Variants in GPD2 observed in about 807,000 individuals in gnomAD.
The protein encoded by GPD2 is glycerol-3-phosphate dehydrogenase 2.
GPD2 carries 54 observed loss-of-function variants against 82.4 expected under a neutral mutation model. That is an observed-to-expected ratio of 0.66 (90% CI 0.53 to 0.82). The LOEUF (loss-of-function observed/expected upper bound fraction) is 0.82. GPD2 is among the 40% of genes least tolerant of loss of function. GPD2 has a pLI of 0.00. For missense variants in GPD2, 748 were observed against 896.2 expected (o/e 0.83, Z 2.11); for synonymous variants, 288 against 306.1 (o/e 0.94, Z 0.62).
chr2:156,465,115 T>C (rs1376567135), intron 1 of GPD2, among the ~76,000 whole-genome samples: 1 of 152,204 alleles, frequency 6.6e-6, no homozygotes, highest in African/African-American at 2.4e-5. Context: ...CCTCCCAGAG[T>C]GCTGGGATTA....
intron 1 of GPD2, among the ~76,000 whole-genome samples, chr2:156,451,158 C>G (rs546883498): frequency 6.6e-6 from 1 of 151,666 alleles, no homozygotes; most frequent in Non-Finnish European, 1.5e-5. Context: ...CATCATGGCC[C>G]GTTCTCAATG....
At chr2:156,558,564 C>G (rs1280527592) in intron 9 of GPD2, among the ~76,000 whole-genome samples, 1 of 151,922 alleles carries the variant, frequency 6.6e-6, no homozygotes, top group Non-Finnish European at 1.5e-5. Flanking sequence ...AGGAAAAATG[C>G]TAAATTCTCT....
chr2:156,539,880 A>G (rs576601561), intron 6 of GPD2, among the ~76,000 whole-genome samples: 10 of 152,170 alleles, frequency 6.6e-5, no homozygotes, highest in Non-Finnish European at 1.3e-4. Flanking sequence ...TTGAGTTTTC[A>G]GTTGGCTTAT....
upstream of GPD2, among the ~76,000 whole-genome samples, chr2:156,434,594 T>TG (rs1029792396): frequency 2.0e-5 from 3 of 152,172 alleles, no homozygotes; most frequent in Admixed American, 6.5e-5. Context: ...AGCATGAGTG[T>TG]GGGGGGTGCA....
intron 1 of GPD2, among the ~76,000 whole-genome samples, chr2:156,474,034 A>G (rs932433483): frequency 2.6e-5 from 4 of 152,152 alleles, no homozygotes; most frequent in Non-Finnish European, 5.9e-5. Flanking sequence ...AGTAAGAATC[A>G]TTAAAATTTT....
chr2:156,505,492 ACAGCTTATTG>A (rs1684755441), intron 3 of GPD2, among the ~76,000 whole-genome samples: 1 of 152,218 alleles, frequency 6.6e-6, no homozygotes, highest in African/African-American at 2.4e-5. Context: ...TAATAGAGAT[ACAGCTTATTG>A]CTTTCCATAA....
chr2:156,565,322 A>G (rs898366451), intron 9 of GPD2, among the ~76,000 whole-genome samples: 2 of 152,124 alleles, frequency 1.3e-5, no homozygotes, highest in African/African-American at 4.8e-5. Context: ...CTCTAATGGA[A>G]AATAGTGGTA....
chr2:156,502,569 A>C (rs1286622519), intron 3 of GPD2, among the ~76,000 whole-genome samples: 1 of 152,042 alleles, frequency 6.6e-6, no homozygotes, highest in Non-Finnish European at 1.5e-5. Context: ...TGGATCTAAA[A>C]GTGTGTGCCA....
intron 1 of GPD2, among the ~76,000 whole-genome samples, chr2:156,456,006 G>GA (rs1339204857): frequency 9.9e-5 from 15 of 152,150 alleles, no homozygotes; most frequent in African/African-American, 3.4e-4. Flanking sequence ...GATGAGTGCA[G>GA]AAAAAAACTG....
chr2:156,572,231 A>G (rs1235547895), intron 13 of GPD2, among the ~76,000 whole-genome samples: 2 of 152,204 alleles, frequency 1.3e-5, no homozygotes, highest in Admixed American at 1.3e-4. Flanking sequence ...CCTAAACATT[A>G]GTATCATACT....
chr2:156,520,560 G>GTTATTTAT lies in GPD2; in HGVS notation c.661+7099_661+7106dup, dbSNP rs148048031. On this transcript the variant is annotated intron_variant, in intron 6 of 16. Transcript: ENST00000438166. The stretch of plus-strand genomic sequence containing the variant: ...ATTTATTTTTAAAATTATTTTTATT[G>GTTATTTAT]TTATTTATTTATTTATTTATTTATT... Among the ~76,000 whole-genome samples, 348 of 144,016 alleles carry GTTATTTAT rather than the reference G, an allele frequency of 2.4e-3. 1 individual carries two copies. The highest frequency in any genetic ancestry group is 6.5e-3 in the African/African-American group (253 of 38,972). 94.5% of individuals were successfully genotyped at this position (144,016 alleles called of 152,430 possible).
In GPD2 at chr2:156,557,414, C is replaced by A. The variant is rs1299233578; in HGVS notation, c.997C>A (p.Pro333Thr). ...YSPESMGLLDPATSDGRVIFF... is the reference protein window; with the variant it reads ...YSPESMGLLDTATSDGRVIFF... ...CCCAGAGAGCATGGGACTTCTTGACCCAGCGACCAGTGATGGGCGAGTTAT... is the reference window on the plus strand; with the variant it reads ...CCCAGAGAGCATGGGACTTCTTGACACAGCGACCAGTGATGGGCGAGTTAT... Residue 333 changes from proline (P) to threonine (T), a missense_variant, in exon 9 of 17, where the codon CCA becomes ACA. Physicochemically the swap from Pro to Thr is conservative, Grantham distance 38. This residue lies in a region of GPD2 where 692 missense variants were observed against 809.7 expected (regional missense o/e 0.85). Coordinates refer to ENST00000438166, the MANE Select transcript of GPD2 (RefSeq NM_000408.5). 108 of 1,608,942 alleles carry A rather than the reference C, an allele frequency of 6.7e-5. No individual in the cohort carries two copies. Among genetic ancestry groups the A allele is most frequent in the Non-Finnish European group, 9.0e-5 (106 of 1,175,826 alleles).
intron 8 of GPD2, among the ~76,000 whole-genome samples, chr2:156,552,389 A>G (rs1361235472): frequency 1.3e-5 from 2 of 152,230 alleles, no homozygotes; most frequent in Non-Finnish European, 2.9e-5. Context: ...TTTCTCGTAT[A>G]TAGAGAAGTT....
chr2:156,404,037 A>G, the GPD2 span, among the ~76,000 whole-genome samples: 105 of 152,234 alleles, frequency 6.9e-4, no homozygotes, highest in African/African-American at 2.4e-3. Flanking sequence ...AAAATTCTGG[A>G]TTTTGTGTTT....
At chr2:156,413,308 G>A in the GPD2 span, among the ~76,000 whole-genome samples, 1 of 152,000 alleles carries the variant, frequency 6.6e-6, no homozygotes, top group Non-Finnish European at 1.5e-5. Flanking sequence ...TCAGCCAGGT[G>A]AGGTGGCTCA....
upstream of GPD2, among the ~76,000 whole-genome samples, chr2:156,432,063 T>G (rs935476753): frequency 1.3e-5 from 2 of 151,984 alleles, no homozygotes; most frequent in Non-Finnish European, 2.9e-5. Context: ...ATTTTTGTAT[T>G]TTTTACTAGA....
Position 156,579,079 on chromosome 2 carries a change from G to A in GPD2, c.1881-7G>A. On this transcript the variant is annotated splice_region_variant and splice_polypyrimidine_tract_variant and intron_variant, in intron 14 of 16. Transcript: ENST00000438166. ...ATATTTTTCCATTATTTAATCTTGT[G>A]TTCCAGGTATAAGAAGAGATTTCAT... 1.3e-6 allele frequency: 2 copies of A among 1,591,260 alleles called. No individual in the cohort carries two copies. Among genetic ancestry groups the A allele is most frequent in the Non-Finnish European group, 1.7e-6 (2 of 1,159,720 alleles).
chr2:156,400,465 C>A, the GPD2 span, among the ~76,000 whole-genome samples: 4 of 152,182 alleles, frequency 2.6e-5, no homozygotes, highest in Non-Finnish European at 4.4e-5. Flanking sequence ...ATTGGGCACC[C>A]GGGAGTCCCG....
chr2:156,474,955 GAAGA>G lies in GPD2; in HGVS notation c.-8-1132_-8-1129del, dbSNP rs544350663. On this transcript the variant is annotated intron_variant, in intron 1 of 16. Coordinates refer to ENST00000438166, the MANE Select transcript of GPD2 (RefSeq NM_000408.5). ...GTCTCTACAGAAAAAAAAAAAAGAA[GAAGA>G]AAGAAAGAAAAAAAAATAGCCATGC... 4.2e-4 allele frequency among the ~76,000 whole-genome samples: 63 copies of G among 151,034 alleles called. No homozygotes were observed. In the South Asian group the frequency reaches 8.4e-3, roughly 20 times the overall value.
Sources: allele counts gnomAD v4.1 joint callset (sites outside exome capture counted in the v4.1 genomes callset), GRCh38; gene constraint gnomAD v4.1.1; regional missense constraint gnomAD v4.1.1; transcripts MANE v1.5; gene names NCBI Gene and HGNC (gene_info 2026-07-23, HGNC 2026-07-21).